Variants in NEMP2 observed in about 807,000 individuals in gnomAD.
NEMP2 encodes UPF0571 transmembrane protein.
In NEMP2, 53 loss-of-function variants were observed where a neutral mutation model predicts 54.2. The ratio of observed to expected loss-of-function variants is 0.98; its 90% CI spans 0.78 to 1.23. The LOEUF is 1.23. Among genes scored for constraint, NEMP2 ranks in the 50% most tolerant of loss-of-function variants. The pLI, the probability that NEMP2 is intolerant of heterozygous loss-of-function variation, is 0.00. For missense variants in NEMP2, 455 were observed against 511.3 expected (o/e 0.89, Z 1.06); for synonymous variants, 197 against 190.3 (o/e 1.04, Z -0.29).
chr2:190,526,570 C>A (rs968323160), intron 1 of NEMP2, among the ~76,000 whole-genome samples: 1 of 151,942 alleles, frequency 6.6e-6, no homozygotes, highest in African/African-American at 2.4e-5. Flanking sequence ...CTAAGAGAGG[C>A]GGGAGAAATA....
the NEMP2 span, among the ~76,000 whole-genome samples, chr2:190,461,787 G>A: frequency 6.6e-6 from 1 of 152,246 alleles, no homozygotes; most frequent in South Asian, 2.1e-4. The surrounding 1 kb of genome is among the most constrained non-coding windows in gnomAD (Gnocchi z 5.5). Flanking sequence ...ATGAATTTTG[G>A]AGGGTATACA....
chr2:190,561,300 G>A, the NEMP2 span, among the ~76,000 whole-genome samples: 2 of 152,154 alleles, frequency 1.3e-5, no homozygotes, highest in Non-Finnish European at 2.9e-5. The surrounding 1 kb of genome is among the most constrained non-coding windows in gnomAD (Gnocchi z 5.4). Flanking sequence ...GGGAACACCT[G>A]GGGACAATGT....
At chr2:190,622,644 C>T in the NEMP2 span, among the ~76,000 whole-genome samples, 1 of 151,912 alleles carries the variant, frequency 6.6e-6, no homozygotes, top group African/African-American at 2.4e-5. Flanking sequence ...AGCACGACAA[C>T]AAAAATCGGA....
Position 190,529,082 on chromosome 2 carries a change from C to G in NEMP2, c.98-3704G>C, listed in dbSNP as rs1691048531. Among the ~76,000 whole-genome samples, 1 of 152,110 alleles carries G rather than the reference C, an allele frequency of 6.6e-6. No homozygotes were observed. Among genetic ancestry groups the G allele is most frequent in the African/African-American group, 2.4e-5 (1 of 41,404 alleles). ...TTGGGCCCGGGTACAATGGCTCATG[C>G]CTGTAATTTCGCTTGAACCTGGGAG... On this transcript the variant is annotated intron_variant, in intron 1 of 8. Transcript: ENST00000409150. The surrounding 1 kb of genome is among the most constrained non-coding windows in gnomAD (Gnocchi z 4.7).
At position 190,509,000 on chromosome 2, in the gene NEMP2, T is replaced by G; in HGVS notation, c.*189A>C. 1.2e-6 allele frequency: 1 copy of G among 808,146 alleles called. No individual in the cohort carries two copies. Among genetic ancestry groups the G allele is most frequent in the Non-Finnish European group, 1.9e-6 (1 of 533,294 alleles). 50.1% of individuals were successfully genotyped at this position (808,146 alleles called of 1,614,324 possible). On this transcript the variant is annotated 3_prime_UTR_variant, in exon 9 of 9. Transcript: ENST00000409150. This position sits in a 1 kb window ranked among gnomAD's most constrained non-coding sequence, Gnocchi z 4.3. ...TGGTATCCACCTACAGTACAATAAG[T>G]AGCAGAAGTCACCAAGAATGCTAAG...
the NEMP2 span, among the ~76,000 whole-genome samples, chr2:190,471,430 A>G: frequency 6.6e-6 from 1 of 152,206 alleles, no homozygotes; most frequent in Non-Finnish European, 1.5e-5. The surrounding 1 kb of genome is among the most constrained non-coding windows in gnomAD (Gnocchi z 4.7). Flanking sequence ...CAAACGGCAC[A>G]CTAGGAGATT....
the NEMP2 span, among the ~76,000 whole-genome samples, chr2:190,644,168 TAAAAAAA>T: frequency 1.4e-5 from 2 of 146,844 alleles, no homozygotes; most frequent in Non-Finnish European, 3.0e-5. This position sits in a 1 kb window ranked among gnomAD's most constrained non-coding sequence, Gnocchi z 4.4. Flanking sequence ...TTCCTCATTG[TAAAAAAA>T]AAACAAAAAA....
the NEMP2 span, chr2:190,608,630 G>A: frequency 1.3e-5 from 2 of 152,120 alleles, no homozygotes; most frequent in Non-Finnish European, 2.9e-5. The surrounding 1 kb of genome is among the most constrained non-coding windows in gnomAD (Gnocchi z 4.9). Flanking sequence ...CCTGAAACGA[G>A]TGACACCAAG....
chr2:190,638,951 G>A, the NEMP2 span, among the ~76,000 whole-genome samples: 10 of 152,290 alleles, frequency 6.6e-5, no homozygotes, highest in East Asian at 1.2e-3. The surrounding 1 kb of genome is among the most constrained non-coding windows in gnomAD (Gnocchi z 5.7). Context: ...TGGCCCAGAT[G>A]CCAGTTCTGT....
At chr2:190,540,520 T>C in the NEMP2 span, among the ~76,000 whole-genome samples, 1 of 152,148 alleles carries the variant, frequency 6.6e-6, no homozygotes, top group Non-Finnish European at 1.5e-5. Flanking sequence ...GTTACTCCTG[T>C]GCTCAAGCAA....
At chr2:190,481,944 ATC>A in the NEMP2 span, among the ~76,000 whole-genome samples, 12 of 152,208 alleles carry the variant, frequency 7.9e-5, no homozygotes, top group Non-Finnish European at 1.6e-4. Flanking sequence ...GCTACTCACC[ATC>A]TCTGTTTCCT....
At chr2:190,551,332 C>A in the NEMP2 span, among the ~76,000 whole-genome samples, 2 of 151,600 alleles carry the variant, frequency 1.3e-5, no homozygotes, top group African/African-American at 2.4e-5. Context: ...TTGTCAATTT[C>A]TCTCTAATGG....
In NEMP2 at chr2:190,522,382, TAAG is replaced by T. The variant is rs201082117; in HGVS notation, c.213+2878_213+2880del. Among the ~76,000 whole-genome samples the T allele has an allele frequency of 8.3e-3, 1,260 of 152,108 alleles. 13 individuals are homozygous for T. The highest frequency in any genetic ancestry group is 0.028 in the African/African-American group (1,161 of 41,488). On this transcript the variant is annotated intron_variant, in intron 2 of 8. Coordinates refer to ENST00000409150, the MANE Select transcript of NEMP2 (RefSeq NM_001142645.2). The surrounding 1 kb of genome is among the most constrained non-coding windows in gnomAD (Gnocchi z 5.0). ...CCCCCAAATCTAAAAAATTAAAAAT[TAAG>T]AAGGTTTTTTTTAAAAAAACAAAAT...
the NEMP2 span, among the ~76,000 whole-genome samples, chr2:190,430,557 G>T: frequency 5.9e-5 from 9 of 151,764 alleles, no homozygotes; most frequent in African/African-American, 9.7e-5. Flanking sequence ...CAAGGCAGAA[G>T]AATTTTTCTT....
downstream of NEMP2, among the ~76,000 whole-genome samples, chr2:190,499,553 C>G (rs1574275391): frequency 1.3e-5 from 2 of 152,212 alleles, no homozygotes; most frequent in African/African-American, 4.8e-5. The surrounding 1 kb of genome is among the most constrained non-coding windows in gnomAD (Gnocchi z 6.0). Context: ...ACAGGACATT[C>G]TTTCCCAGCT....
the NEMP2 span, among the ~76,000 whole-genome samples, chr2:190,567,121 AAGC>A: frequency 6.6e-6 from 1 of 152,186 alleles, no homozygotes; most frequent in Non-Finnish European, 1.5e-5. The surrounding 1 kb of genome is among the most constrained non-coding windows in gnomAD (Gnocchi z 4.0). Flanking sequence ...TATAAAATAA[AAGC>A]AGAATGCGAT....
chr2:190,646,851 TAGTTCAGGTAAGACC>T, the NEMP2 span: 1 of 152,226 alleles, frequency 6.6e-6, no homozygotes, highest in Non-Finnish European at 1.5e-5. Flanking sequence ...GAAGGCTCAA[TAGTTCAGGTAAGACC>T]ACTCATTTCG....
the NEMP2 span, chr2:190,497,959 T>C: frequency 2.7e-6 from 1 of 372,584 alleles, no homozygotes; most frequent in South Asian, 7.9e-5. The surrounding 1 kb of genome is among the most constrained non-coding windows in gnomAD (Gnocchi z 5.2). Flanking sequence ...TATGATTCTT[T>C]CACTTCTTGA....
Position 190,516,372 on chromosome 2 carries a change from A to C in NEMP2, c.625T>G (p.Trp209Gly). ...KRFIPKYSTF[W>G]ALMVGCWFAS... ...AACCAACAACCAACCATTAGAGCCCAAAAGGTGCTATACTGTGTGTGGAAG... is the reference window on the plus strand; with the variant it reads ...AACCAACAACCAACCATTAGAGCCCCAAAGGTGCTATACTGTGTGTGGAAG... The change falls in exon 6 of 9, where the codon TGG becomes GGG. Residue 209 changes from tryptophan (W) to glycine (G), a missense_variant. Transcript: ENST00000409150. The C allele has an allele frequency of 6.4e-7, 1 of 1,550,878 alleles. No individual in the cohort carries two copies. The highest frequency in any genetic ancestry group is 2.4e-5 in the East Asian group (1 of 40,896).
Sources: gnomAD v4.1 joint callset for allele counts (sites outside exome capture counted in the v4.1 genomes callset) on GRCh38, gnomAD v4.1.1 for gene constraint, Gnocchi (gnomAD v3.1) non-coding constraint, MANE v1.5 for transcripts, NCBI Gene and HGNC (gene_info 2026-07-23, HGNC 2026-07-21) for gene names.